Variants in ZNF277 observed in about 807,000 individuals in gnomAD.
ZNF277 encodes the protein zinc finger protein 277.
ZNF277 carries 55 observed loss-of-function variants against 60.7 expected under a neutral mutation model. The ratio of observed to expected loss-of-function variants is 0.91; its 90% confidence interval spans 0.73 to 1.13. The LOEUF (loss-of-function observed/expected upper bound fraction) is 1.13, where lower values mean the gene tolerates loss of function less well. Among genes scored for constraint, ZNF277 ranks in the 50% most tolerant of loss-of-function variants. The pLI is 0.00. For synonymous variants in ZNF277, 178 were observed against 179.3 expected, an observed-to-expected ratio of 0.99 and a Z score of 0.06; for missense variants, 510 against 523.0, an observed-to-expected ratio of 0.98 and a Z score of 0.24.
intron 4 of ZNF277, among the ~76,000 whole-genome samples, chr7:112,304,341 G>A (rs1037872963): frequency 6.6e-6 from 1 of 152,026 alleles, no homozygotes; most frequent in Non-Finnish European, 1.5e-5. Flanking sequence ...ATCAGACTCT[G>A]GCAAACAGAT....
chr7:112,320,493 G>A (rs746626655), intron 5 of ZNF277, among the ~76,000 whole-genome samples: 6 of 152,002 alleles, frequency 3.9e-5, no homozygotes, highest in South Asian at 2.1e-4. Flanking sequence ...ATTTGTGTAC[G>A]CCTTGGGACA....
chr7:112,222,121 A>G (rs1822046744), intron 1 of ZNF277, among the ~76,000 whole-genome samples: 1 of 152,212 alleles, frequency 6.6e-6, no homozygotes, highest in Admixed American at 6.5e-5. Flanking sequence ...TATTTTGTCT[A>G]TCAGGGATAT....
At chr7:112,214,979 A>G (rs1427207129) in intron 1 of ZNF277, among the ~76,000 whole-genome samples, 1 of 152,042 alleles carries the variant, frequency 6.6e-6, no homozygotes, top group Non-Finnish European at 1.5e-5. Flanking sequence ...AATGATGTTG[A>G]TATTATTGGG....
intron 4 of ZNF277, among the ~76,000 whole-genome samples, chr7:112,307,025 A>G (rs114637783): frequency 1.4e-3 from 219 of 152,148 alleles, no homozygotes; most frequent in African/African-American, 4.8e-3. Flanking sequence ...GCCAACATCT[A>G]CTTTGCAGTG....
chr7:112,239,496 A>T (rs936816948), intron 1 of ZNF277, among the ~76,000 whole-genome samples: 2 of 152,020 alleles, frequency 1.3e-5, no homozygotes, highest in Non-Finnish European at 2.9e-5. Flanking sequence ...AGTGTTTGTG[A>T]CCCCTTTCCC....
intron 1 of ZNF277, among the ~76,000 whole-genome samples, chr7:112,271,615 G>A (rs1033175394): frequency 1.3e-5 from 2 of 152,178 alleles, no homozygotes; most frequent in African/African-American, 2.4e-5. Flanking sequence ...GAAGAAAAAG[G>A]ATTTATTAAA....
At chr7:112,250,001 C>T (rs1263903582) in intron 1 of ZNF277, among the ~76,000 whole-genome samples, 4 of 152,162 alleles carry the variant, frequency 2.6e-5, no homozygotes, top group African/African-American at 9.7e-5. Flanking sequence ...GAGAGATAAC[C>T]TTAAACTCTG....
rs1379036278 is a variant in ZNF277, at chr7:112,342,828, A to G, written c.*99A>G. ...AAGAACAATTTAAATTTGAACATCA[A>G]CAAAAGATTGGTCCTTGGTGAAATA... On this transcript the variant is annotated 3_prime_UTR_variant, in exon 12 of 12. Coordinates refer to ENST00000361822, the MANE Select transcript of ZNF277 (RefSeq NM_021994.3). 1.0e-6 allele frequency: 1 copy of G among 975,128 alleles called. No homozygotes were observed. Among genetic ancestry groups the G allele is most frequent in the Non-Finnish European group, 1.4e-6 (1 of 725,868 alleles). The allele number at this position is 975,128 out of a possible 1,614,324, so 60.4% of individuals were successfully genotyped here.
At chr7:112,303,662 G>A (rs1271373589) in intron 4 of ZNF277, among the ~76,000 whole-genome samples, 10 of 151,712 alleles carry the variant, frequency 6.6e-5, no homozygotes, top group Non-Finnish European at 1.3e-4. Context: ...ATATAAATAG[G>A]AATTTAGCTT....
At chr7:112,252,324 A>G (rs552347449) in intron 1 of ZNF277, among the ~76,000 whole-genome samples, 40 of 152,200 alleles carry the variant, frequency 2.6e-4, no homozygotes, top group Non-Finnish European at 5.4e-4. Flanking sequence ...AACTGAGAAT[A>G]AAGTGCCTTT....
intron 1 of ZNF277, among the ~76,000 whole-genome samples, chr7:112,244,573 A>C (rs1033624793): frequency 2.6e-5 from 4 of 152,180 alleles, no homozygotes; most frequent in Non-Finnish European, 5.9e-5. Flanking sequence ...AATTTAGTAG[A>C]CATAAATTTA....
At chr7:112,243,903 C>T (rs542974494) in intron 1 of ZNF277, among the ~76,000 whole-genome samples, 3 of 152,030 alleles carry the variant, frequency 2.0e-5, no homozygotes, top group African/African-American at 4.8e-5. Context: ...TAAACCTACG[C>T]GTCCATCAAT....
chr7:112,277,077 ATTTT>A (rs59902516), intron 1 of ZNF277, among the ~76,000 whole-genome samples: 13,687 of 103,516 alleles, frequency 0.13, 348 homozygotes, highest in Middle Eastern at 0.2. Context: ...GAATCTGTTG[ATTTT>A]TTTTTTTTTT....
intron 2 of ZNF277, chr7:112,287,451 T>C (rs995318246): frequency 1.3e-5 from 2 of 156,208 alleles, no homozygotes; most frequent in African/African-American, 2.4e-5. Flanking sequence ...CATACAAATA[T>C]GAAAATTCAT....
At chr7:112,248,721 T>G (rs1791137798) in intron 1 of ZNF277, among the ~76,000 whole-genome samples, 1 of 152,104 alleles carries the variant, frequency 6.6e-6, no homozygotes, top group African/African-American at 2.4e-5. Context: ...ATTCCATAAA[T>G]TCTGTTTCCT....
intron 1 of ZNF277, among the ~76,000 whole-genome samples, chr7:112,207,223 G>T (rs975359994): frequency 2.0e-5 from 3 of 152,206 alleles, no homozygotes; most frequent in Non-Finnish European, 2.9e-5. Context: ...TGCTTGGTTT[G>T]ACCTCGCAGG....
chr7:112,262,745 T>C (rs904535735), intron 1 of ZNF277, among the ~76,000 whole-genome samples: 1 of 152,186 alleles, frequency 6.6e-6, no homozygotes, highest in Admixed American at 6.5e-5. Flanking sequence ...TAAGAAGTTA[T>C]ATTTTATATT....
chr7:112,338,457 A>T (rs1584423360), intron 9 of ZNF277, among the ~76,000 whole-genome samples: 1 of 152,172 alleles, frequency 6.6e-6, no homozygotes, highest in East Asian at 1.9e-4. Context: ...GTAATGATTC[A>T]TGATAGTATC....
intron 1 of ZNF277, among the ~76,000 whole-genome samples, chr7:112,224,156 G>A (rs1043870080): frequency 1.3e-5 from 2 of 152,144 alleles, no homozygotes; most frequent in Non-Finnish European, 2.9e-5. Context: ...CAGTAAACTG[G>A]CAGAAAAAAT....
Sources: gnomAD v4.1 joint callset for allele counts (sites outside exome capture counted in the v4.1 genomes callset) on GRCh38, gnomAD v4.1.1 for gene constraint, MANE v1.5 for transcripts, NCBI Gene and HGNC (gene_info 2026-07-23, HGNC 2026-07-21) for gene names.